Variants in BABAM2 observed in about 807,000 individuals in gnomAD.
BABAM2 encodes BRISC and BRCA1 A complex member 2, also known as BRISC and BRCA1-A complex member 2.
In BABAM2, 31 loss-of-function variants were observed where a neutral mutation model predicts 54.7. That is an observed-to-expected ratio of 0.57 (90% CI 0.43 to 0.77). BABAM2 has a LOEUF of 0.77. Ranked by LOEUF, BABAM2 falls within the 30% of genes least tolerant of loss-of-function variation. BABAM2 has a pLI of 0.00. For synonymous variants in BABAM2, 167 were observed against 162.9 expected (o/e 1.03, Z -0.19); for missense variants, 364 against 455.8 (o/e 0.80, Z 1.83).
At chr2:28,233,469 CTT>C (rs1681611896) in intron 7 of BABAM2, among the ~76,000 whole-genome samples, 1 of 152,124 alleles carries the variant, frequency 6.6e-6, no homozygotes, top group African/African-American at 2.4e-5. Context: ...CATAATGACT[CTT>C]TTATTTCATG....
chr2:27,983,190 T>C (rs1433149169), intron 3 of BABAM2, among the ~76,000 whole-genome samples: 5 of 152,190 alleles, frequency 3.3e-5, no homozygotes, highest in Admixed American at 6.5e-5. Flanking sequence ...TTTTGTTTGA[T>C]AGTAGCTCTT....
At chr2:28,230,441 C>T (rs576152802) in intron 7 of BABAM2, among the ~76,000 whole-genome samples, 102 of 151,410 alleles carry the variant, frequency 6.7e-4, no homozygotes, top group African/African-American at 2.4e-3. Context: ...CAAGTCCGGG[C>T]GTGATGGCTC....
Position 28,103,207 on chromosome 2 carries a change from T to C in BABAM2, c.571-26064T>C, listed in dbSNP as rs951932447. Reference sequence around the variant, plus strand: ...TCTAGTAAGGCCTTATAGCCAGTGTTCCAGATGGATGAAGCAGAATTATGA... The same window carrying C: ...TCTAGTAAGGCCTTATAGCCAGTGTCCCAGATGGATGAAGCAGAATTATGA... On this transcript the variant is annotated intron_variant, in intron 6 of 11. Transcript: ENST00000379624. Among the ~76,000 whole-genome samples the C allele has an allele frequency of 3.3e-5, 5 of 152,286 alleles. No individual in the cohort carries two copies. In the East Asian group the frequency reaches 9.6e-4, roughly 29 times the overall value.
At chr2:28,038,490 A>G (rs1400160220) in intron 5 of BABAM2, among the ~76,000 whole-genome samples, 1 of 152,192 alleles carries the variant, frequency 6.6e-6, no homozygotes, top group Non-Finnish European at 1.5e-5. Context: ...CAAATAGTGA[A>G]CATAGTACTC....
intron 11 of BABAM2, among the ~76,000 whole-genome samples, chr2:28,335,670 C>A (rs75178220): frequency 5.1e-4 from 77 of 152,326 alleles, no homozygotes; most frequent in Non-Finnish European, 7.9e-4. Context: ...GGGACAAGTG[C>A]CCCAGAAGAA....
chr2:28,146,236 C>G (rs980488943), intron 7 of BABAM2, among the ~76,000 whole-genome samples: 1 of 152,126 alleles, frequency 6.6e-6, no homozygotes, highest in Admixed American at 6.5e-5. Context: ...TGTGTGTTGT[C>G]TTTTCATTTT....
At chr2:27,945,991 C>T (rs116421183) in intron 3 of BABAM2, among the ~76,000 whole-genome samples, 44 of 152,032 alleles carry the variant, frequency 2.9e-4, no homozygotes, top group Admixed American at 7.9e-4. Flanking sequence ...TCTTCCTTTC[C>T]AATCTATATA....
intron 6 of BABAM2, among the ~76,000 whole-genome samples, chr2:28,119,509 T>C (rs556586998): frequency 4.5e-4 from 69 of 152,320 alleles, no homozygotes; most frequent in African/African-American, 1.7e-3. Context: ...AATAACTGAT[T>C]GGACAGTATT....
intron 6 of BABAM2, among the ~76,000 whole-genome samples, chr2:28,062,134 T>C (rs1353715824): frequency 6.6e-6 from 1 of 151,940 alleles, no homozygotes; most frequent in African/African-American, 2.4e-5. Context: ...GGCAGGTGCC[T>C]GTAATCCCAG....
intron 7 of BABAM2, among the ~76,000 whole-genome samples, chr2:28,145,613 G>A (rs562347401): frequency 2.6e-5 from 4 of 152,116 alleles, no homozygotes; most frequent in Non-Finnish European, 5.9e-5. Context: ...CCCATTTAAA[G>A]TGTACAGTTC....
At chr2:28,097,305 A>C (rs894753303) in intron 6 of BABAM2, among the ~76,000 whole-genome samples, 1 of 152,196 alleles carries the variant, frequency 6.6e-6, no homozygotes, top group Non-Finnish European at 1.5e-5. Context: ...CAGTACCAAA[A>C]TCTAGGACCA....
chr2:28,189,203 A>C (rs982858553), intron 7 of BABAM2, among the ~76,000 whole-genome samples: 3 of 152,056 alleles, frequency 2.0e-5, no homozygotes, highest in Non-Finnish European at 4.4e-5. Context: ...CCCTCTCAAA[A>C]AAAAAAAAAG....
chr2:28,316,437 G>T (rs796635377), intron 11 of BABAM2, among the ~76,000 whole-genome samples: 78 of 126,902 alleles, frequency 6.1e-4, no homozygotes, highest in Non-Finnish European at 1.3e-3. Flanking sequence ...TGGGGGTGGG[G>T]GTGGGAGTCG....
At chr2:28,039,496 C>G (rs1242855620) in intron 5 of BABAM2, among the ~76,000 whole-genome samples, 1 of 152,216 alleles carries the variant, frequency 6.6e-6, no homozygotes, top group Non-Finnish European at 1.5e-5. Flanking sequence ...AAGAATCAGC[C>G]TTACCAGTTT....
chr2:28,198,448 G>T (rs1483404248), intron 7 of BABAM2, among the ~76,000 whole-genome samples: 1 of 152,084 alleles, frequency 6.6e-6, no homozygotes, highest in African/African-American at 2.4e-5. Flanking sequence ...TTACAGGCGT[G>T]AGCCACCGCG....
rs117965203 is a variant in BABAM2 at position 27,978,032 on chromosome 2, C to T, written c.206-9961C>T. 5.6e-4 allele frequency among the ~76,000 whole-genome samples: 85 copies of T among 152,218 alleles called. 1 individual carries two copies. The East Asian group carries it at 0.015, about 28-fold the overall frequency. ...AATGAGTCACCTCTTCAAAGTTTTT[C>T]GTAAAGCTCTGAAATGGTTTGGATA... On this transcript the variant is annotated intron_variant, in intron 3 of 11. Coordinates refer to ENST00000379624, the MANE Select transcript of BABAM2 (RefSeq NM_199191.3).
chr2:28,010,640 A>G (rs1394920822), intron 4 of BABAM2, among the ~76,000 whole-genome samples: 1 of 152,074 alleles, frequency 6.6e-6, no homozygotes, highest in African/African-American at 2.4e-5. Flanking sequence ...TTTAAGTGAC[A>G]GGAACCTGAT....
intron 6 of BABAM2, among the ~76,000 whole-genome samples, chr2:28,085,209 TAAC>T (rs1665532373): frequency 6.6e-6 from 1 of 152,230 alleles, no homozygotes. Context: ...TGTATTGTGT[TAAC>T]AAATACATAA....
intron 2 of BABAM2, among the ~76,000 whole-genome samples, chr2:27,911,811 A>G (rs1345068946): frequency 6.6e-6 from 1 of 152,202 alleles, no homozygotes; most frequent in Non-Finnish European, 1.5e-5. Context: ...ACTAGCAGCC[A>G]TTTATATGAT....
Sources: gnomAD v4.1 joint callset for allele counts (sites outside exome capture counted in the v4.1 genomes callset) on GRCh38, gnomAD v4.1.1 for gene constraint, MANE v1.5 for transcripts, NCBI Gene and HGNC (gene_info 2026-07-23, HGNC 2026-07-21) for gene names.